ZNF804B: variants seen among roughly 807,000 people sequenced by gnomAD.
The protein encoded by ZNF804B is zinc finger 804B.
A neutral mutation model predicts 101.4 loss-of-function variants in ZNF804B; 80 were observed. That is an observed-to-expected ratio of 0.79 (90% confidence interval 0.66 to 0.95). ZNF804B has a LOEUF of 0.95. Ranked by LOEUF, ZNF804B falls within the 40% of genes least tolerant of loss-of-function variation. The pLI is 0.00. For missense variants in ZNF804B, 1,673 were observed against 1,561.9 expected, an observed-to-expected ratio of 1.07 and a Z score of -1.20; for synonymous variants, 622 against 558.8, an observed-to-expected ratio of 1.11 and a Z score of -1.59.
intron 2 of ZNF804B, among the ~76,000 whole-genome samples, chr7:89,263,371 G>A (rs1789738771): frequency 6.6e-6 from 1 of 152,020 alleles, no homozygotes; most frequent in South Asian, 2.1e-4. Context: ...TCCGCTGCTT[G>A]TTGTTTCTCA....
chr7:88,853,606 G>A (rs1275317689), intron 1 of ZNF804B, among the ~76,000 whole-genome samples: 1 of 151,974 alleles, frequency 6.6e-6, no homozygotes, highest in Non-Finnish European at 1.5e-5. Context: ...CTTTAAATAT[G>A]TGACATTATA....
intron 1 of ZNF804B, among the ~76,000 whole-genome samples, chr7:88,882,584 G>T (rs1195304119): frequency 6.6e-6 from 1 of 152,118 alleles, no homozygotes; most frequent in East Asian, 1.9e-4. Context: ...TATGTTGGTT[G>T]CAGTACTATT....
intron 1 of ZNF804B, among the ~76,000 whole-genome samples, chr7:88,816,576 A>G (rs1456594141): frequency 6.6e-6 from 1 of 151,530 alleles, no homozygotes; most frequent in Non-Finnish European, 1.5e-5. Context: ...GGCAAAGGAT[A>G]TGAACAGACA....
chr7:88,957,216 T>A (rs1793323838), intron 1 of ZNF804B, among the ~76,000 whole-genome samples: 1 of 151,468 alleles, frequency 6.6e-6, no homozygotes, highest in South Asian at 2.1e-4. Context: ...CAGAACACAT[T>A]TTGTGGTATA....
chr7:89,211,642 T>C (rs917546486), intron 1 of ZNF804B, among the ~76,000 whole-genome samples: 5 of 152,166 alleles, frequency 3.3e-5, no homozygotes, highest in African/African-American at 4.8e-5. Flanking sequence ...TCATTGAAGA[T>C]CAGATGGTTG....
At chr7:89,267,961 T>C (rs549951929) in intron 2 of ZNF804B, among the ~76,000 whole-genome samples, 2 of 152,228 alleles carry the variant, frequency 1.3e-5, no homozygotes, top group East Asian at 3.9e-4. Context: ...CTGTCTTCAA[T>C]ATATTACTCT....
chr7:89,262,134 T>C (rs1365666865), intron 2 of ZNF804B, among the ~76,000 whole-genome samples: 1 of 152,214 alleles, frequency 6.6e-6, no homozygotes, highest in African/African-American at 2.4e-5. Context: ...TATTTCCCCC[T>C]TTTTCAACTT....
intron 2 of ZNF804B, among the ~76,000 whole-genome samples, chr7:89,265,763 A>G (rs1414519933): frequency 6.6e-6 from 1 of 152,236 alleles, no homozygotes; most frequent in Non-Finnish European, 1.5e-5. Context: ...TGGTAGTAAC[A>G]GCAGTAATAT....
At chr7:88,991,416 T>A (rs1793844262) in intron 1 of ZNF804B, among the ~76,000 whole-genome samples, 1 of 152,164 alleles carries the variant, frequency 6.6e-6, no homozygotes, top group Non-Finnish European at 1.5e-5. Flanking sequence ...TATAGTGGAT[T>A]CAGTGGATGA....
At chr7:89,284,278 A>G (rs1218931746) in intron 2 of ZNF804B, among the ~76,000 whole-genome samples, 1 of 152,214 alleles carries the variant, frequency 6.6e-6, no homozygotes, top group African/African-American at 2.4e-5. Flanking sequence ...TGGGAAGTTC[A>G]TCTCTCCAAT....
intron 1 of ZNF804B, among the ~76,000 whole-genome samples, chr7:88,984,417 C>T (rs1562851124): frequency 1.3e-5 from 2 of 151,902 alleles, no homozygotes; most frequent in Non-Finnish European, 2.9e-5. Flanking sequence ...TAGACTCTTG[C>T]CAACTCAGAC....
intron 1 of ZNF804B, among the ~76,000 whole-genome samples, chr7:89,013,732 A>G (rs1584072590): frequency 6.6e-6 from 1 of 152,300 alleles, no homozygotes; most frequent in South Asian, 2.1e-4. Context: ...ACTAGCTGTA[A>G]TTTTGTGTCC....
At chr7:89,179,102 G>C (rs991776788) in intron 1 of ZNF804B, among the ~76,000 whole-genome samples, 23 of 151,948 alleles carry the variant, frequency 1.5e-4, no homozygotes, top group Admixed American at 3.9e-4. Context: ...TTTATCCTTG[G>C]CCTTTGGGAG....
At chr7:89,142,414 A>G (rs145104375) in intron 1 of ZNF804B, among the ~76,000 whole-genome samples, 1 of 152,160 alleles carries the variant, frequency 6.6e-6, no homozygotes, top group African/African-American at 2.4e-5. Flanking sequence ...AAGTCAACAA[A>G]CAAAATGCCT....
At chr7:89,202,294 TC>T (rs1788653611) in intron 1 of ZNF804B, among the ~76,000 whole-genome samples, 2 of 152,140 alleles carry the variant, frequency 1.3e-5, no homozygotes, top group South Asian at 4.1e-4. Context: ...TGTAGCTTCC[TC>T]CTTTCTAAAA....
At chr7:89,002,825 T>TAG (rs2116175829) in intron 1 of ZNF804B, among the ~76,000 whole-genome samples, 1 of 152,000 alleles carries the variant, frequency 6.6e-6, no homozygotes, top group Non-Finnish European at 1.5e-5. Context: ...TAACAAAAAA[T>TAG]AGAGGATTAA....
At chr7:89,169,162 A>G (rs139776037) in intron 1 of ZNF804B, among the ~76,000 whole-genome samples, 8 of 152,258 alleles carry the variant, frequency 5.3e-5, no homozygotes, top group Non-Finnish European at 1.0e-4. Flanking sequence ...GTGAAAGTCA[A>G]TGGCAGGTCT....
At chr7:89,039,095 G>C (rs1788974699) in intron 1 of ZNF804B, among the ~76,000 whole-genome samples, 1 of 151,872 alleles carries the variant, frequency 6.6e-6, no homozygotes, top group Admixed American at 6.6e-5. Flanking sequence ...TTTAAAATAA[G>C]GTACTATGAT....
chr7:88,785,274 C>A (rs1790284112), intron 1 of ZNF804B, among the ~76,000 whole-genome samples: 1 of 151,964 alleles, frequency 6.6e-6, no homozygotes, highest in Non-Finnish European at 1.5e-5. Context: ...ATCCTAGACT[C>A]TTTCCTCTTC....
Sources: allele counts gnomAD v4.1 joint callset (sites outside exome capture counted in the v4.1 genomes callset), GRCh38; gene constraint gnomAD v4.1.1; transcripts MANE v1.5; gene names NCBI Gene and HGNC (gene_info 2026-07-23, HGNC 2026-07-21).